Variants in ARHGAP6 observed in about 807,000 individuals in gnomAD.
ARHGAP6 encodes the protein Rho GTPase activating protein 6.
A neutral mutation model predicts 55.7 loss-of-function variants in ARHGAP6; 16 were observed. The observed-to-expected ratio is 0.29, with a 90% confidence interval of 0.19 to 0.44. ARHGAP6 has a LOEUF of 0.44. Among genes scored for constraint, ARHGAP6 ranks in the 20% least tolerant of loss-of-function variants. ARHGAP6 has a pLI of 1.00. For missense variants in ARHGAP6, 698 were observed against 808.9 expected, an observed-to-expected ratio of 0.86 and a Z score of 1.66; for synonymous variants, 382 against 360.9, an observed-to-expected ratio of 1.06 and a Z score of -0.66.
chrX:11,628,784 C>T (rs2052327700), intron 1 of ARHGAP6, among the ~76,000 whole-genome samples: 1 of 112,506 alleles, frequency 8.9e-6, no homozygotes, highest in African/African-American at 3.2e-5. Context: ...ATATAAGAAA[C>T]GTTTGGCAAA....
chrX:11,546,313 C>T (rs971924889), intron 1 of ARHGAP6, among the ~76,000 whole-genome samples: 1 of 110,735 alleles, frequency 9.0e-6, no homozygotes, highest in Non-Finnish European at 1.9e-5. Context: ...GATCATCATA[C>T]TGGGCAGAAT....
intron 1 of ARHGAP6, among the ~76,000 whole-genome samples, chrX:11,529,043 G>T (rs999164403): frequency 1.8e-5 from 2 of 111,744 alleles, no homozygotes; most frequent in Admixed American, 1.9e-4. Context: ...TGCTTCTGAT[G>T]TCACACACAC....
intron 5 of ARHGAP6, 33 bp downstream of exon 5, chrX:11,186,203 T>C (rs200331482): frequency 2.6e-6 from 3 of 1,151,908 alleles, no homozygotes; most frequent in Non-Finnish European, 3.5e-6. Flanking sequence ...TAAATGAAAG[T>C]CCTTAGTACT....
At chrX:11,170,994 A>G (rs1178309799) in intron 8 of ARHGAP6, among the ~76,000 whole-genome samples, 2 of 111,246 alleles carry the variant, frequency 1.8e-5, no homozygotes, top group East Asian at 5.6e-4. Flanking sequence ...TGTCCCAGCT[A>G]AGAGTCATGT....
At chrX:11,288,255 G>A (rs1379949920) in intron 1 of ARHGAP6, among the ~76,000 whole-genome samples, 20 of 111,927 alleles carry the variant, frequency 1.8e-4, no homozygotes, top group Non-Finnish European at 1.9e-5. Flanking sequence ...CGGCATGCGG[G>A]AGGTGACCAA....
At chrX:11,493,835 CTTT>C (rs35315280) in intron 1 of ARHGAP6, among the ~76,000 whole-genome samples, 2 of 88,402 alleles carry the variant, frequency 2.3e-5, no homozygotes, top group African/African-American at 4.1e-5. Context: ...AACAGAATGC[CTTT>C]TTTTTTTTTT....
intron 1 of ARHGAP6, among the ~76,000 whole-genome samples, chrX:11,608,846 A>G (rs750340689): frequency 4.5e-5 from 5 of 111,430 alleles, no homozygotes; most frequent in Non-Finnish European, 9.4e-5. Flanking sequence ...AGGCCTCCCC[A>G]GCCATGTGGA....
chrX:11,148,492 C>A lies in ARHGAP6; in HGVS notation c.1908-4244G>T, dbSNP rs941494382. On this transcript the variant is annotated intron_variant, in intron 10 of 12. Coordinates refer to ENST00000337414, the MANE Select transcript of ARHGAP6 (RefSeq NM_013427.3). ...GTTGGGTGGACAGGTCACCAGTCTA[C>A]ATGGGTTTGCCTCCATGCATGGAGG... The A allele has an allele frequency of 2.4e-5, 5 of 210,739 alleles. No individual in the cohort carries two copies. In the East Asian group the frequency reaches 6.1e-4, roughly 26 times the overall value. 17.4% of individuals were successfully genotyped at this position (210,739 alleles called of 1,213,427 possible). A position where few individuals can be genotyped will look rare whatever the true frequency, so the allele number is the denominator to read the frequency against.
At chrX:11,240,504 G>T (rs1017703875) in intron 2 of ARHGAP6, among the ~76,000 whole-genome samples, 2 of 111,809 alleles carry the variant, frequency 1.8e-5, no homozygotes, top group Non-Finnish European at 3.8e-5. Context: ...AGTATTCTCT[G>T]CCCAGGGATG....
chrX:11,547,962 C>G (rs957841351), intron 1 of ARHGAP6, among the ~76,000 whole-genome samples: 1 of 111,134 alleles, frequency 9.0e-6, no homozygotes, highest in Non-Finnish European at 1.9e-5. Context: ...TTCTGGGACT[C>G]TATGGACACT....
At chrX:11,544,323 G>C (rs1248512230) in intron 1 of ARHGAP6, among the ~76,000 whole-genome samples, 1 of 112,532 alleles carries the variant, frequency 8.9e-6, no homozygotes, top group African/African-American at 3.2e-5. Flanking sequence ...ATGTTTGAAA[G>C]CTTGAGATTC....
intron 2 of ARHGAP6, among the ~76,000 whole-genome samples, chrX:11,239,194 G>A (rs944314186): frequency 3.6e-5 from 4 of 111,035 alleles, no homozygotes; most frequent in African/African-American, 1.3e-4. Context: ...ACTGGGTAAG[G>A]GGCATAAGGG....
At chrX:11,274,605 CA>C (rs1415765582) in intron 1 of ARHGAP6, among the ~76,000 whole-genome samples, 1 of 111,706 alleles carries the variant, frequency 9.0e-6, no homozygotes, top group African/African-American at 3.3e-5. Context: ...AAAGGAACCA[CA>C]TTTTTTTTCT....
At chrX:11,606,377 A>T (rs113866491) in intron 1 of ARHGAP6, among the ~76,000 whole-genome samples, 16,625 of 110,929 alleles carry the variant, frequency 0.15, 1,104 homozygotes, top group African/African-American at 0.24. Flanking sequence ...TTGCTATGTT[A>T]TCTGTTTCTG....
At chrX:11,206,558 T>C (rs2046707561) in intron 2 of ARHGAP6, among the ~76,000 whole-genome samples, 2 of 112,267 alleles carry the variant, frequency 1.8e-5, no homozygotes, top group African/African-American at 6.5e-5. Flanking sequence ...GCTTGCAGGA[T>C]ACATTTATCT....
At chrX:11,198,490 C>T (rs187100034) in intron 2 of ARHGAP6, among the ~76,000 whole-genome samples, 3 of 112,139 alleles carry the variant, frequency 2.7e-5, no homozygotes, top group Admixed American at 9.5e-5. Context: ...TTAGGCCTTA[C>T]AGGTCTTTTA....
chrX:11,373,416 A>G (rs1375317375), intron 1 of ARHGAP6, among the ~76,000 whole-genome samples: 1 of 111,716 alleles, frequency 9.0e-6, no homozygotes, highest in East Asian at 2.8e-4. Flanking sequence ...GAAAAAAGCA[A>G]ATGATAGTAA....
intron 1 of ARHGAP6, among the ~76,000 whole-genome samples, chrX:11,510,527 C>T (rs755723327): frequency 2.7e-5 from 3 of 111,481 alleles, no homozygotes; most frequent in South Asian, 7.6e-4. Flanking sequence ...ATGAAAAAAG[C>T]TGCTGCCACC....
At chrX:11,162,191 A>G (rs1327070036) in intron 9 of ARHGAP6, among the ~76,000 whole-genome samples, 1 of 110,749 alleles carries the variant, frequency 9.0e-6, no homozygotes, top group Non-Finnish European at 1.9e-5. Context: ...GAAAATGGGT[A>G]CATGAAAAGA....
Sources: allele counts gnomAD v4.1 joint callset (sites outside exome capture counted in the v4.1 genomes callset), GRCh38; gene constraint gnomAD v4.1.1; transcripts MANE v1.5; gene names NCBI Gene and HGNC (gene_info 2026-07-23, HGNC 2026-07-21).